MACROD2: variants seen among roughly 807,000 people sequenced by gnomAD.
The protein encoded by MACROD2 is mono-ADP ribosylhydrolase 2, also known as ADP-ribose glycohydrolase MACROD2.
In MACROD2, 36 loss-of-function variants were observed where a neutral mutation model predicts 70.4. The observed-to-expected ratio is 0.51, with a 90% CI of 0.39 to 0.68. The LOEUF is 0.68. Ranked by LOEUF, MACROD2 falls within the 30% of genes least tolerant of loss-of-function variation. The pLI is 0.00. For missense variants in MACROD2, 496 were observed against 538.4 expected (o/e 0.92, Z 0.78); for synonymous variants, 172 against 178.8 (o/e 0.96, Z 0.30).
In MACROD2 at chr20:14,862,372, A is replaced by T. The variant is rs867632951; in HGVS notation, c.418+177413A>T. Among the ~76,000 whole-genome samples, 63 of 14,530 alleles carry T rather than the reference A, an allele frequency of 4.3e-3. 4 individuals are homozygous for T. The highest frequency in any genetic ancestry group is 0.012 in the African/African-American group (31 of 2,578). The allele number at this position is 14,530 out of a possible 152,430, so 9.5% of individuals were successfully genotyped here. A position where few individuals can be genotyped will look rare whatever the true frequency, so the allele number is the denominator to read the frequency against. ...AAAAATATATATATAAATATATATA[A>T]ATATATATATAAATATATATAAATA... On this transcript the variant is annotated intron_variant, in intron 5 of 17. Transcript: ENST00000684519.
At chr20:15,640,323 A>C (rs905751278) in intron 8 of MACROD2, among the ~76,000 whole-genome samples, 3 of 151,638 alleles carry the variant, frequency 2.0e-5, no homozygotes, top group African/African-American at 7.3e-5. Flanking sequence ...GTGGATAGCG[A>C]GAGAGAGAGA....
At chr20:15,000,832 A>C (rs2074989571) in intron 5 of MACROD2, among the ~76,000 whole-genome samples, 1 of 152,100 alleles carries the variant, frequency 6.6e-6, no homozygotes, top group Non-Finnish European at 1.5e-5. Context: ...TACACAGATT[A>C]TTCTTTATGC....
At chr20:14,049,043 T>C (rs932889019) in intron 2 of MACROD2, among the ~76,000 whole-genome samples, 2 of 152,062 alleles carry the variant, frequency 1.3e-5, no homozygotes, top group Non-Finnish European at 2.9e-5. Flanking sequence ...TATTTTATAC[T>C]TCTTGATGTT....
intron 6 of MACROD2, among the ~76,000 whole-genome samples, chr20:15,430,924 G>A (rs1040992341): frequency 6.6e-6 from 1 of 152,088 alleles, no homozygotes; most frequent in Non-Finnish European, 1.5e-5. Flanking sequence ...GTTAATTGAT[G>A]TTTTCAGATT....
At chr20:14,610,741 G>A (rs1294098869) in intron 4 of MACROD2, among the ~76,000 whole-genome samples, 1 of 152,008 alleles carries the variant, frequency 6.6e-6, no homozygotes, top group Non-Finnish European at 1.5e-5. Context: ...TCAAGATAGT[G>A]TATGTGAAAG....
intron 7 of MACROD2, among the ~76,000 whole-genome samples, chr20:15,470,090 C>G (rs2046945089): frequency 6.6e-6 from 1 of 151,996 alleles, no homozygotes; most frequent in Non-Finnish European, 1.5e-5. Flanking sequence ...TGCTCTGTCA[C>G]CCAGATTGGC....
chr20:14,129,341 TATTAGA>T (rs2054690089), intron 3 of MACROD2, among the ~76,000 whole-genome samples: 1 of 152,200 alleles, frequency 6.6e-6, no homozygotes, highest in Non-Finnish European at 1.5e-5. Context: ...ATAGCAAGAA[TATTAGA>T]ATTAGAAGTG....
intron 8 of MACROD2, among the ~76,000 whole-genome samples, chr20:15,825,619 T>A (rs1249391001): frequency 6.6e-6 from 1 of 152,114 alleles, no homozygotes; most frequent in Non-Finnish European, 1.5e-5. Flanking sequence ...AATGGTTTTT[T>A]AAAGCCACTA....
chr20:14,021,275 C>G (rs187799389), intron 2 of MACROD2, among the ~76,000 whole-genome samples: 7 of 152,288 alleles, frequency 4.6e-5, no homozygotes, highest in African/African-American at 1.4e-4. Context: ...AGGCGTGAGC[C>G]ACCACGCCCA....
intron 5 of MACROD2, among the ~76,000 whole-genome samples, chr20:14,985,516 A>G (rs2122852304): frequency 6.6e-6 from 1 of 152,220 alleles, no homozygotes; most frequent in Non-Finnish European, 1.5e-5. Flanking sequence ...TTTAGGTCCC[A>G]ACAGCAGTGG....
intron 5 of MACROD2, among the ~76,000 whole-genome samples, chr20:14,843,033 C>T (rs1030897252): frequency 6.6e-5 from 10 of 152,052 alleles, no homozygotes; most frequent in African/African-American, 2.2e-4. Context: ...TCATTTCACA[C>T]CCTGGCTGTC....
chr20:14,860,712 C>T (rs1210972221), intron 5 of MACROD2, among the ~76,000 whole-genome samples: 1 of 152,086 alleles, frequency 6.6e-6, no homozygotes. Flanking sequence ...AGGTGGAGGT[C>T]CCTGCTGAGA....
Position 15,170,107 on chromosome 20 carries a change from G to A in MACROD2, c.419-59833G>A, listed in dbSNP as rs540563158. ...GGAAGTACAGTTAAGGTTTATTCTT[G>A]TAATTTATTCAAAACTCAACAACTC... On this transcript the variant is annotated intron_variant, in intron 5 of 17. Transcript: ENST00000684519. 2.0e-5 allele frequency among the ~76,000 whole-genome samples: 3 copies of A among 152,166 alleles called. No homozygotes were observed. In the East Asian group the frequency reaches 5.8e-4, roughly 29 times the overall value.
At chr20:15,244,763 G>A (rs1455372761) in intron 6 of MACROD2, among the ~76,000 whole-genome samples, 2 of 151,968 alleles carry the variant, frequency 1.3e-5, no homozygotes, top group African/African-American at 4.8e-5. Context: ...TTAAATTATG[G>A]GTAATTAAAA....
chr20:16,007,686 A>G (rs563338042), intron 15 of MACROD2, among the ~76,000 whole-genome samples: 44 of 152,296 alleles, frequency 2.9e-4, no homozygotes, highest in African/African-American at 1.1e-3. Context: ...TATGAGGAGT[A>G]AAATATACCT....
At chr20:14,085,946 T>G (rs1196798448) in intron 3 of MACROD2, among the ~76,000 whole-genome samples, 1 of 152,120 alleles carries the variant, frequency 6.6e-6, no homozygotes, top group East Asian at 1.9e-4. Context: ...AGGCGCTAGG[T>G]TGAGATTAGG....
At position 14,498,724 on chromosome 20, in the gene MACROD2, A is replaced by G. The variant is rs529197487; in HGVS notation, c.301+5216A>G. On this transcript the variant is annotated intron_variant, in intron 4 of 17. Transcript: ENST00000684519. ...GCTACCTGGAATTCCTAATGTGAAG[A>G]GCAATGTGTTTAAAGGGCTTTTTGA... 1.1e-4 allele frequency among the ~76,000 whole-genome samples: 17 copies of G among 152,336 alleles called. No individual in the cohort carries two copies. In the East Asian group the frequency reaches 3.3e-3, roughly 29 times the overall value.
chr20:15,980,776 G>A (rs1166433742), intron 13 of MACROD2, among the ~76,000 whole-genome samples: 1 of 152,154 alleles, frequency 6.6e-6, no homozygotes, highest in Non-Finnish European at 1.5e-5. Flanking sequence ...TTAGCTGCTA[G>A]CAAGTACTTG....
chr20:15,981,845 C>T (rs578073023), intron 13 of MACROD2, among the ~76,000 whole-genome samples: 1 of 152,042 alleles, frequency 6.6e-6, no homozygotes, highest in Non-Finnish European at 1.5e-5. Flanking sequence ...AGTTCTCACT[C>T]GTGCAGGAGG....
Sources: gnomAD v4.1 joint callset for allele counts (sites outside exome capture counted in the v4.1 genomes callset) on GRCh38, gnomAD v4.1.1 for gene constraint, MANE v1.5 for transcripts, NCBI Gene and HGNC (gene_info 2026-07-23, HGNC 2026-07-21) for gene names.